The following MGAT4C variants were observed in gnomAD, a reference collection of about 807,000 sequenced individuals.
MGAT4C encodes the protein MGAT4 family member C, also known as alpha-1,3-mannosyl-glycoprotein 4-beta-N-acetylglucosaminyltransferase C.
Under a neutral mutation model 40.1 loss-of-function variants are expected in MGAT4C, and 19 were observed. The ratio of observed to expected loss-of-function variants is 0.47; its 90% CI spans 0.33 to 0.70. MGAT4C has a LOEUF of 0.70. MGAT4C is among the 30% of genes least tolerant of loss of function. MGAT4C has a pLI of 0.02. For synonymous variants in MGAT4C, 181 were observed against 187.1 expected (o/e 0.97, Z 0.27); for missense variants, 491 against 563.2 (o/e 0.87, Z 1.30).
Position 86,583,056 on chromosome 12 carries a change from G to A in MGAT4C, c.-229+144153C>T, listed in dbSNP as rs111962766. ...AGTAAAATTATATTATATTGCCTCC[G>A]GCTTACACAAACTATTTTAAGGATG... On this transcript the variant is annotated intron_variant, in intron 2 of 7. Coordinates refer to the MGAT4C transcript ENST00000548651. 3.2e-3 allele frequency among the ~76,000 whole-genome samples: 480 copies of A among 151,068 alleles called. 1 individual carries two copies. Among genetic ancestry groups the A allele is most frequent in the African/African-American group, 0.011 (461 of 41,374 alleles).
intron 2 of MGAT4C, among the ~76,000 whole-genome samples, chr12:86,547,900 A>T (rs1289035208): frequency 1.3e-5 from 2 of 152,136 alleles, no homozygotes; most frequent in African/African-American, 2.4e-5. Context: ...CTGCCCTAAA[A>T]GTTCCTATTC....
chr12:86,537,522 A>T (rs1959096346), intron 2 of MGAT4C, among the ~76,000 whole-genome samples: 1 of 152,126 alleles, frequency 6.6e-6, no homozygotes, highest in Admixed American at 6.6e-5. Context: ...AAAGGAAAAA[A>T]AAGTGAAGAA....
chr12:86,260,734 C>T (rs1382445732), upstream of MGAT4C, among the ~76,000 whole-genome samples: 4 of 152,000 alleles, frequency 2.6e-5, no homozygotes, highest in Admixed American at 2.6e-4. Flanking sequence ...TTTACCTTCC[C>T]TGAACAATGT....
chr12:86,207,093 T>C (rs1291481629), intron 1 of MGAT4C, among the ~76,000 whole-genome samples: 1 of 126,716 alleles, frequency 7.9e-6, no homozygotes, highest in African/African-American at 2.8e-5. Context: ...ACAGAACCTA[T>C]GTTGGACCCT....
At chr12:86,606,146 T>A (rs1019353556) in intron 2 of MGAT4C, among the ~76,000 whole-genome samples, 3 of 152,054 alleles carry the variant, frequency 2.0e-5, no homozygotes, top group Non-Finnish European at 4.4e-5. Context: ...ACCACCCCCA[T>A]GATTCAGTTA....
chr12:86,627,452 G>T (rs1269749888), intron 2 of MGAT4C, among the ~76,000 whole-genome samples: 1 of 151,160 alleles, frequency 6.6e-6, no homozygotes, highest in Non-Finnish European at 1.5e-5. Flanking sequence ...GCCTAACTTG[G>T]AGACACCTCC....
At chr12:86,526,919 G>T (rs1958894782) in intron 2 of MGAT4C, among the ~76,000 whole-genome samples, 1 of 152,170 alleles carries the variant, frequency 6.6e-6, no homozygotes, top group Admixed American at 6.5e-5. Flanking sequence ...GTTCCTCCTT[G>T]CCAGTTCAAT....
At chr12:86,421,228 A>G (rs1956820087) in intron 3 of MGAT4C, among the ~76,000 whole-genome samples, 1 of 152,146 alleles carries the variant, frequency 6.6e-6, no homozygotes, top group Non-Finnish European at 1.5e-5. Flanking sequence ...TCAGATAATC[A>G]ATTACACAAA....
chr12:86,536,892 C>T (rs1417087271), intron 2 of MGAT4C, among the ~76,000 whole-genome samples: 1 of 152,236 alleles, frequency 6.6e-6, no homozygotes, highest in Admixed American at 6.5e-5. Context: ...GATTATAAAT[C>T]ATGCTGCTAT....
chr12:86,482,607 C>G (rs1029535290), intron 2 of MGAT4C, among the ~76,000 whole-genome samples: 1 of 152,006 alleles, frequency 6.6e-6, no homozygotes, highest in African/African-American at 2.4e-5. Context: ...GAAAGTATTA[C>G]AAATATACTG....
chr12:86,007,827 T>G (rs1352793358), intron 2 of MGAT4C, among the ~76,000 whole-genome samples: 1 of 152,044 alleles, frequency 6.6e-6, no homozygotes, highest in East Asian at 1.9e-4. Context: ...TCTCATATGC[T>G]TTCTTCTAGA....
At chr12:86,333,764 C>T (rs184583358) in intron 4 of MGAT4C, among the ~76,000 whole-genome samples, 3 of 152,246 alleles carry the variant, frequency 2.0e-5, no homozygotes, top group East Asian at 1.9e-4. Flanking sequence ...ATCTTATTTA[C>T]ACACTTTATC....
intron 1 of MGAT4C, among the ~76,000 whole-genome samples, chr12:86,216,249 C>T (rs1405208626): frequency 6.6e-6 from 1 of 151,942 alleles, no homozygotes; most frequent in Non-Finnish European, 1.5e-5. Flanking sequence ...GGTGAGGTGC[C>T]TTAGAAAAGA....
intron 2 of MGAT4C, among the ~76,000 whole-genome samples, chr12:86,025,458 C>T (rs1890160699): frequency 6.6e-6 from 1 of 151,538 alleles, no homozygotes; most frequent in Non-Finnish European, 1.5e-5. Context: ...TACTAAAATA[C>T]TTAAATTTCT....
chr12:86,013,843 T>C (rs1888783466), intron 2 of MGAT4C: 1 of 771,026 alleles, frequency 1.3e-6, no homozygotes, highest in Non-Finnish European at 1.6e-6. Flanking sequence ...CATCATTCTA[T>C]TCAAGCTTTT....
chr12:86,409,341 G>A (rs1335484570), intron 3 of MGAT4C, among the ~76,000 whole-genome samples: 1 of 152,142 alleles, frequency 6.6e-6, no homozygotes. Context: ...AGAGCGTAAT[G>A]ATAATGCATT....
At chr12:86,001,228 T>C (rs1187212563) in intron 2 of MGAT4C, among the ~76,000 whole-genome samples, 1 of 152,204 alleles carries the variant, frequency 6.6e-6, no homozygotes, top group Non-Finnish European at 1.5e-5. Flanking sequence ...ACCCTCTTAA[T>C]GATTTTCAAT....
At chr12:86,192,647 C>T (rs183795443) in intron 1 of MGAT4C, among the ~76,000 whole-genome samples, 1 of 152,246 alleles carries the variant, frequency 6.6e-6, no homozygotes, top group East Asian at 1.9e-4. Flanking sequence ...TTTTCTAACT[C>T]ATACAGAGAA....
At chr12:86,708,118 A>T (rs963357546) in intron 2 of MGAT4C, among the ~76,000 whole-genome samples, 20 of 152,340 alleles carry the variant, frequency 1.3e-4, no homozygotes, top group African/African-American at 4.8e-4. Context: ...CCAGAGGCCT[A>T]GGAGGGAAAA....
Sources: gnomAD v4.1 joint callset for allele counts (sites outside exome capture counted in the v4.1 genomes callset) on GRCh38, gnomAD v4.1.1 for gene constraint, MANE v1.5 for transcripts, NCBI Gene and HGNC (gene_info 2026-07-23, HGNC 2026-07-21) for gene names.